Variants in CLCA2 observed in about 807,000 individuals in gnomAD.
The protein encoded by CLCA2 is calcium-activated chloride channel regulator 2.
Under a neutral mutation model 82.9 loss-of-function variants are expected in CLCA2, and 85 were observed. The ratio of observed to expected loss-of-function variants is 1.03; its 90% confidence interval spans 0.86 to 1.23. The LOEUF (loss-of-function observed/expected upper bound fraction) is 1.23, where lower values mean the gene tolerates loss of function less well. Among genes scored for constraint, CLCA2 ranks in the 50% most tolerant of loss-of-function variants. The pLI is 0.00. For synonymous variants in CLCA2, 421 were observed against 391.7 expected (o/e 1.07, Z -0.88); for missense variants, 1,089 against 1,124.8 (o/e 0.97, Z 0.45).
intron 12 of CLCA2, 123 bp from the exon 13 acceptor site, chr1:86,453,246 C>T: frequency 1.6e-6 from 1 of 641,876 alleles, no homozygotes; most frequent in Non-Finnish European, 2.7e-6. Flanking sequence ...TACAAATACA[C>T]TCAGTTATTC....
At chr1:86,429,596 TA>T (rs1023737264) in intron 3 of CLCA2, among the ~76,000 whole-genome samples, 1 of 152,202 alleles carries the variant, frequency 6.6e-6, no homozygotes, top group Non-Finnish European at 1.5e-5. Flanking sequence ...GTCATAGGCC[TA>T]GAGACTGGTA....
At chr1:86,448,062 C>G in intron 11 of CLCA2, 2 of 435,760 alleles carry the variant, frequency 4.6e-6, no homozygotes, top group Non-Finnish European at 8.3e-6. Context: ...TGAGGTCATA[C>G]AGGAGCAGGC....
chr1:86,443,045 T>G (rs77973429), intron 9 of CLCA2, among the ~76,000 whole-genome samples: 3 of 148,104 alleles, frequency 2.0e-5, no homozygotes, highest in Non-Finnish European at 4.5e-5. Flanking sequence ...TTTTTTTTTT[T>G]GAGATGGAGT....
At chr1:86,440,452 A>G (rs1662705218) in intron 8 of CLCA2, 127 bp downstream of exon 8, 1 of 873,086 alleles carries the variant, frequency 1.1e-6, no homozygotes, top group Non-Finnish European at 1.7e-6. Context: ...AAACGCACAC[A>G]CATATTGCTA....
At chr1:86,440,398 A>T in intron 8 of CLCA2, 73 bp downstream of exon 8, 1 of 1,270,774 alleles carries the variant, frequency 7.9e-7, no homozygotes, top group South Asian at 1.4e-5. Flanking sequence ...CAACTATGAA[A>T]CTCATTATAT....
intron 3 of CLCA2, among the ~76,000 whole-genome samples, chr1:86,430,654 A>G (rs115342725): frequency 6.6e-6 from 1 of 152,174 alleles, no homozygotes; most frequent in Non-Finnish European, 1.5e-5. Flanking sequence ...ACATATTTTC[A>G]TGCTGCCTTT....
At chr1:86,445,921 T>G (rs2101708063) in intron 10 of CLCA2, among the ~76,000 whole-genome samples, 1 of 152,184 alleles carries the variant, frequency 6.6e-6, no homozygotes, top group South Asian at 2.1e-4. Flanking sequence ...TCCAAGACGA[T>G]CTATAGAATT....
intron 6 of CLCA2, among the ~76,000 whole-genome samples, chr1:86,436,062 A>C (rs1662603922): frequency 6.6e-6 from 1 of 152,364 alleles, no homozygotes; most frequent in East Asian, 1.9e-4. Flanking sequence ...TGGATACTTT[A>C]TTGCTACAGT....
rs1662522087 is a variant in CLCA2, at chr1:86,432,510, C to A, written c.726C>A (p.Phe242Leu). 6.2e-7 allele frequency: 1 copy of A among 1,613,738 alleles called. No homozygotes were observed. Among genetic ancestry groups the A allele is most frequent in the East Asian group, 2.2e-5 (1 of 44,846 alleles). ...STQNATASIM[F>L]MQSLSSVVEF... ...AAAATGCAACTGCATCAATAATGTT[C>A]ATGCAAAGTTTATCTTCTGTAAGTA... is the stretch of plus-strand genomic sequence containing the variant. The change falls in exon 5 of 14, where the codon TTC becomes TTA. Residue 242 changes from phenylalanine to leucine, a missense_variant. Transcript: ENST00000370565.
intron 11 of CLCA2, 96 bp downstream of exon 11, chr1:86,447,874 G>A: frequency 7.7e-7 from 1 of 1,305,342 alleles, no homozygotes. Context: ...AAGATTCCTT[G>A]AGTTCAATTT....
intron 3 of CLCA2, 64 bp downstream of exon 3, chr1:86,428,632 G>T: frequency 1.3e-6 from 2 of 1,546,542 alleles, no homozygotes; most frequent in Non-Finnish European, 1.8e-6. Context: ...TGTGCTTGGT[G>T]CTGAAAGGGA....
rs935252841 is a variant in CLCA2, at chr1:86,434,717, T to C, written c.944T>C (p.Val315Ala). 2.5e-6 allele frequency: 4 copies of C among 1,613,804 alleles called. No homozygotes were observed. The highest frequency in any genetic ancestry group is 1.3e-5 in the African/African-American group (1 of 75,044). Residue 315 changes from valine (V) to alanine (A), a missense_variant, in exon 6 of 14, where the codon GTG becomes GCG. Val to Ala is a moderately conservative substitution (Grantham distance 64). Transcript: ENST00000370565. The stretch of plus-strand genomic sequence containing the variant: ...GCTGGTGACAAAGTGGTCTGTTTAG[T>C]GCTGGATGTGTCCAGCAAGATGGCA... Reference protein sequence around the residue: ...VQAGDKVVCLVLDVSSKMAEA... With the variant: ...VQAGDKVVCLALDVSSKMAEA...
chr1:86,425,509 A>AG (rs1460501598), intron 2 of CLCA2, 33 bp downstream of exon 2: 1 of 1,479,082 alleles, frequency 6.8e-7, no homozygotes, highest in Non-Finnish European at 9.0e-7. Flanking sequence ...AATGATCTCA[A>AG]GGGGAAAAAA....
chr1:86,443,359 C>T (rs1662777203), intron 9 of CLCA2, among the ~76,000 whole-genome samples: 1 of 152,044 alleles, frequency 6.6e-6, no homozygotes, highest in African/African-American at 2.4e-5. Context: ...CAAAACCATG[C>T]CAAAACCCAA....
intron 5 of CLCA2, 126 bp from the exon 6 acceptor site, chr1:86,434,392 C>T: frequency 1.4e-6 from 1 of 718,316 alleles, no homozygotes; most frequent in Non-Finnish European, 2.3e-6. Flanking sequence ...AGGTATATCA[C>T]TGTACCACTT....
At chr1:86,437,435 A>C (rs1397692840) in intron 6 of CLCA2, among the ~76,000 whole-genome samples, 1 of 152,198 alleles carries the variant, frequency 6.6e-6, no homozygotes, top group Non-Finnish European at 1.5e-5. Context: ...AAAGTGGTCA[A>C]GGAAGGTTTC....
chr1:86,429,521 T>C (rs988191906), intron 3 of CLCA2, among the ~76,000 whole-genome samples: 1 of 152,158 alleles, frequency 6.6e-6, no homozygotes, highest in African/African-American at 2.4e-5. Context: ...CAATAGACTA[T>C]GCCAGGGAAA....
intron 9 of CLCA2, 22 bp from the exon 10 acceptor site, chr1:86,443,765 A>C (rs1419713882): frequency 6.3e-7 from 1 of 1,575,032 alleles, no homozygotes; most frequent in African/African-American, 1.4e-5. Context: ...AGAAACTCTC[A>C]TATATATCTT....
chr1:86,449,675 G>C (rs1000904487), intron 11 of CLCA2, among the ~76,000 whole-genome samples: 1 of 152,192 alleles, frequency 6.6e-6, no homozygotes, highest in Non-Finnish European at 1.5e-5. Context: ...CTTTAGCAAT[G>C]ATACACTGCT....
Sources: gnomAD v4.1 joint callset for allele counts (sites outside exome capture counted in the v4.1 genomes callset) on GRCh38, gnomAD v4.1.1 for gene constraint, MANE v1.5 for transcripts, NCBI Gene and HGNC (gene_info 2026-07-23, HGNC 2026-07-21) for gene names.